NCAM2: variants seen among roughly 807,000 people sequenced by gnomAD.
The protein encoded by NCAM2 is N-CAM-2.
A neutral mutation model predicts 98.1 loss-of-function variants in NCAM2; 30 were observed. The observed-to-expected ratio is 0.31, with a 90% CI of 0.23 to 0.41. The LOEUF (loss-of-function observed/expected upper bound fraction) is 0.41, where lower values mean the gene tolerates loss of function less well. Ranked by LOEUF, NCAM2 falls within the 10% of genes least tolerant of loss-of-function variation. The probability of loss-of-function intolerance (pLI) is 1.00; values close to 1 mark genes in which losing one functional copy is unlikely to be tolerated. For synonymous variants in NCAM2, 368 were observed against 342.4 expected (o/e 1.07, Z -0.83); for missense variants, 867 against 1,005.8 (o/e 0.86, Z 1.87).
chr21:21,466,742 A>G lies in NCAM2; in HGVS notation c.1774+17A>G, dbSNP rs1351746044. 2 of 1,587,516 alleles carry G rather than the reference A, an allele frequency of 1.3e-6. No individual in the cohort carries two copies. The highest frequency in any genetic ancestry group is 8.6e-7 in the Non-Finnish European group (1 of 1,167,882). On this transcript the variant is annotated intron_variant, in intron 13 of 17. Coordinates refer to ENST00000400546, the MANE Select transcript of NCAM2 (RefSeq NM_004540.5). ...TACCAGTTCGTAAGTAATCATCTCTATTTTTTATTCTCTTTTGTCATTTTC... is the reference window on the plus strand; with the variant it reads ...TACCAGTTCGTAAGTAATCATCTCTGTTTTTTATTCTCTTTTGTCATTTTC...
chr21:21,330,444 A>G (rs1398106594), intron 6 of NCAM2, among the ~76,000 whole-genome samples: 3 of 152,056 alleles, frequency 2.0e-5, no homozygotes, highest in African/African-American at 7.2e-5. Flanking sequence ...TATTTCATAA[A>G]TATTACTGCT....
At chr21:21,289,494 G>A (rs567851695) in intron 4 of NCAM2, among the ~76,000 whole-genome samples, 1 of 151,964 alleles carries the variant, frequency 6.6e-6, no homozygotes, top group Admixed American at 6.6e-5. Flanking sequence ...ATATACACAC[G>A]TATTAGCCAG....
At chr21:21,068,529 G>A (rs951089013) in intron 1 of NCAM2, among the ~76,000 whole-genome samples, 1 of 147,402 alleles carries the variant, frequency 6.8e-6, no homozygotes, top group Non-Finnish European at 1.5e-5. Flanking sequence ...GCGCAATCTC[G>A]GCTCACTGCA....
At chr21:21,456,983 C>G (rs1982240020) in intron 12 of NCAM2, among the ~76,000 whole-genome samples, 1 of 152,114 alleles carries the variant, frequency 6.6e-6, no homozygotes, top group African/African-American at 2.4e-5. Flanking sequence ...CTAAGATATT[C>G]TCTTATAATT....
intron 1 of NCAM2, among the ~76,000 whole-genome samples, chr21:21,194,653 G>A (rs1042629007): frequency 9.2e-5 from 14 of 152,012 alleles, no homozygotes; most frequent in Admixed American, 9.2e-4. Flanking sequence ...AAATTAAATT[G>A]AGAGACACAA....
At chr21:21,442,083 G>A (rs377762277) in intron 12 of NCAM2, among the ~76,000 whole-genome samples, 1 of 152,110 alleles carries the variant, frequency 6.6e-6, no homozygotes, top group African/African-American at 2.4e-5. Flanking sequence ...TTGTAAGATC[G>A]CACAGGACTT....
chr21:21,014,709 G>A (rs961473710), intron 1 of NCAM2, among the ~76,000 whole-genome samples: 43 of 152,168 alleles, frequency 2.8e-4, no homozygotes, highest in Non-Finnish European at 1.5e-4. Flanking sequence ...GGATCAAGGA[G>A]TAATTTTGAC....
intron 1 of NCAM2, among the ~76,000 whole-genome samples, chr21:21,057,633 C>T (rs563846597): frequency 6.6e-5 from 10 of 152,086 alleles, no homozygotes; most frequent in Non-Finnish European, 1.2e-4. Flanking sequence ...TTCCCCATCA[C>T]GACTGCTTTT....
intron 12 of NCAM2, among the ~76,000 whole-genome samples, chr21:21,440,694 A>T (rs1022135919): frequency 9.8e-6 from 1 of 101,664 alleles, no homozygotes; most frequent in Non-Finnish European, 2.3e-5. Flanking sequence ...AACAACAAAA[A>T]AAAGAAAAGA....
At chr21:21,084,893 T>G (rs2065878579) in intron 1 of NCAM2, among the ~76,000 whole-genome samples, 1 of 152,186 alleles carries the variant, frequency 6.6e-6, no homozygotes, top group Admixed American at 6.5e-5. Context: ...TACTTGAAAG[T>G]CTTGCTCATG....
chr21:21,075,694 A>G (rs2065666752), intron 1 of NCAM2, among the ~76,000 whole-genome samples: 1 of 151,916 alleles, frequency 6.6e-6, no homozygotes, highest in Non-Finnish European at 1.5e-5. Context: ...GTTTTGTTTT[A>G]TTTTTATCAT....
chr21:21,281,227 C>T (rs1472993601), intron 2 of NCAM2, among the ~76,000 whole-genome samples: 1 of 152,106 alleles, frequency 6.6e-6, no homozygotes, highest in African/African-American at 2.4e-5. Context: ...CTTATGCTTG[C>T]ATTATATCTG....
At chr21:21,081,948 A>C (rs1435648729) in intron 1 of NCAM2, among the ~76,000 whole-genome samples, 1 of 151,592 alleles carries the variant, frequency 6.6e-6, no homozygotes, top group Non-Finnish European at 1.5e-5. Flanking sequence ...AATTTAAAAA[A>C]AGTTTTGGGC....
At chr21:21,238,117 G>A (rs577605115) in intron 1 of NCAM2, among the ~76,000 whole-genome samples, 70 of 151,710 alleles carry the variant, frequency 4.6e-4, no homozygotes, top group Non-Finnish European at 8.4e-4. Flanking sequence ...CACCACGCCC[G>A]GCCAATTTTT....
chr21:21,480,913 G>A (rs1985820681), intron 15 of NCAM2, among the ~76,000 whole-genome samples: 1 of 152,228 alleles, frequency 6.6e-6, no homozygotes, highest in Non-Finnish European at 1.5e-5. Context: ...TGTAGGAGAA[G>A]CAAGACTTGG....
rs759754101 is a variant in NCAM2, at chr21:21,286,387, T to C, written c.456T>C (p.Asn152=). The change falls in exon 4 of 18, where the codon AAT becomes AAC. Residue 152 remains asparagine (N), a synonymous_variant. Coordinates refer to ENST00000400546, the MANE Select transcript of NCAM2 (RefSeq NM_004540.5). ...CTGCTGTCAGCTGGTTGTATCATAA[T>C]GAGGAAGTCACCACTATTTCCGACA... ...PAPAVSWLYH[N]EEVTTISDNR... is the part of the protein sequence containing the mutation. The C allele has an allele frequency of 1.2e-6, 2 of 1,612,364 alleles. No homozygotes were observed. The highest frequency in any genetic ancestry group is 3.3e-5 in the Admixed American group (2 of 59,808).
intron 12 of NCAM2, among the ~76,000 whole-genome samples, chr21:21,449,499 T>C (rs1259592652): frequency 6.6e-6 from 1 of 152,054 alleles, no homozygotes; most frequent in Non-Finnish European, 1.5e-5. Context: ...TGAAGAATTC[T>C]TGTGGGCTCT....
chr21:21,011,928 G>A (rs974730415), intron 1 of NCAM2, among the ~76,000 whole-genome samples: 1 of 152,014 alleles, frequency 6.6e-6, no homozygotes, highest in Non-Finnish European at 1.5e-5. Context: ...AAAACCATAA[G>A]GAGATATCAC....
rs1409494859 is a variant in NCAM2 at position 21,538,433 on chromosome 21, C to T, written c.*476C>T. The T allele has an allele frequency of 6.6e-6, 1 of 152,504 alleles. No homozygotes were observed. Among genetic ancestry groups the T allele is most frequent in the East Asian group, 1.9e-4 (1 of 5,196 alleles). The allele number at this position is 152,504 out of a possible 1,614,324, so 9.4% of individuals were successfully genotyped here. A position where few individuals can be genotyped will look rare whatever the true frequency, so the allele number is the denominator to read the frequency against. ...ATGAAGGAGCTTAATAATGGTTACTCATTTTATCAGGGGAATTTCAGGGAA... is the reference window on the plus strand; with the variant it reads ...ATGAAGGAGCTTAATAATGGTTACTTATTTTATCAGGGGAATTTCAGGGAA... On this transcript the variant is annotated 3_prime_UTR_variant, in exon 18 of 18. Transcript: ENST00000400546.
Sources: gnomAD v4.1 joint callset for allele counts (sites outside exome capture counted in the v4.1 genomes callset) on GRCh38, gnomAD v4.1.1 for gene constraint, MANE v1.5 for transcripts, NCBI Gene and HGNC (gene_info 2026-07-23, HGNC 2026-07-21) for gene names.